KCNQ4: variants seen among roughly 807,000 people sequenced by gnomAD.
KCNQ4 encodes the protein potassium voltage-gated channel subfamily Q member 4.
In KCNQ4, 31 loss-of-function variants were observed where a neutral mutation model predicts 72.6. The observed-to-expected ratio is 0.43, with a 90% CI of 0.32 to 0.58. KCNQ4 has a LOEUF of 0.58. Among genes scored for constraint, KCNQ4 ranks in the 20% least tolerant of loss-of-function variants. KCNQ4 has a pLI of 0.08. For missense variants in KCNQ4, 869 were observed against 962.6 expected, an observed-to-expected ratio of 0.90 and a Z score of 1.29; for synonymous variants, 405 against 403.7, an observed-to-expected ratio of 1.00 and a Z score of -0.04.
At chr1:40,820,323 C>CCTGT (rs1648250368) in intron 7 of KCNQ4, 63 bp downstream of exon 7, 1 of 1,374,742 alleles carries the variant, frequency 7.3e-7, no homozygotes, top group Non-Finnish European at 1.0e-6. Flanking sequence ...GTGTGTCAAC[C>CCTGT]CTGTGTGCTG....
intron 1 of KCNQ4, among the ~76,000 whole-genome samples, chr1:40,798,952 T>TG (rs1647494002): frequency 6.6e-6 from 1 of 152,232 alleles, no homozygotes; most frequent in African/African-American, 2.4e-5. Context: ...CCTCCCTTGT[T>TG]GGGGTCTGGT....
chr1:40,813,467 AGAAT>A (rs1312919557), intron 1 of KCNQ4, among the ~76,000 whole-genome samples: 2 of 152,136 alleles, frequency 1.3e-5, no homozygotes, highest in African/African-American at 4.8e-5. Flanking sequence ...AGGGAAAGGA[AGAAT>A]GAAGGAGCCT....
chr1:40,811,201 T>C (rs958036152), intron 1 of KCNQ4, among the ~76,000 whole-genome samples: 4 of 152,154 alleles, frequency 2.6e-5, no homozygotes, highest in Non-Finnish European at 5.9e-5. Context: ...GGAGCAGTTA[T>C]GGTTATTACT....
chr1:40,808,726 T>C (rs919669433), intron 1 of KCNQ4, among the ~76,000 whole-genome samples: 62 of 152,180 alleles, frequency 4.1e-4, no homozygotes, highest in African/African-American at 1.4e-3. Context: ...CCTCCCATCT[T>C]CCTTGGGGAC....
At chr1:40,801,761 G>A (rs1383324010) in intron 1 of KCNQ4, among the ~76,000 whole-genome samples, 1 of 152,204 alleles carries the variant, frequency 6.6e-6, no homozygotes, top group Non-Finnish European at 1.5e-5. Flanking sequence ...AGGAGAAGGG[G>A]TCCCATGCCC....
chr1:40,829,551 C>T (rs1333513152), intron 9 of KCNQ4, among the ~76,000 whole-genome samples: 1 of 152,160 alleles, frequency 6.6e-6, no homozygotes, highest in Non-Finnish European at 1.5e-5. Context: ...CTCACTTCAG[C>T]ACCTTGGCTC....
intron 7 of KCNQ4, among the ~76,000 whole-genome samples, chr1:40,820,983 C>T (rs1251247957): frequency 6.6e-6 from 1 of 152,202 alleles, no homozygotes; most frequent in Non-Finnish European, 1.5e-5. Context: ...CTGCCTGCTC[C>T]CTAGCCTGTC....
At position 40,819,892 on chromosome 1, in the gene KCNQ4, C is replaced by T. The variant is rs369666938; in HGVS notation, c.852C>T (p.Ile284=). The change falls in exon 6 of 14, where the codon ATC becomes ATT. Residue 284 remains isoleucine, a synonymous_variant. Transcript: ENST00000347132. ...LWWGTITLTT[I]GYGDKTPHTW... ...GTCTCCAGATTACATTGACAACCAT[C>T]GGCTATGGTGACAAGACACCGCACA... 22 of 1,613,650 alleles carry T rather than the reference C, an allele frequency of 1.4e-5. No individual in the cohort carries two copies. Among genetic ancestry groups the T allele is most frequent in the East Asian group, 1.1e-4 (5 of 44,884 alleles).
intron 1 of KCNQ4, among the ~76,000 whole-genome samples, chr1:40,789,580 C>A (rs987670995): frequency 6.6e-6 from 1 of 152,142 alleles, no homozygotes; most frequent in African/African-American, 2.4e-5. Context: ...TTGCCTCCTT[C>A]TTCTGAAGTT....
At chr1:40,802,875 G>A (rs571854135) in intron 1 of KCNQ4, among the ~76,000 whole-genome samples, 2 of 152,302 alleles carry the variant, frequency 1.3e-5, no homozygotes, top group Admixed American at 1.3e-4. Context: ...GTCCTGAGAG[G>A]GACAGTTAAC....
At chr1:40,799,175 C>A (rs1187642965) in intron 1 of KCNQ4, among the ~76,000 whole-genome samples, 1 of 152,242 alleles carries the variant, frequency 6.6e-6, no homozygotes, top group Admixed American at 6.5e-5. Context: ...TGCTTCTGCT[C>A]CCCACCCTCC....
Position 40,788,733 on chromosome 1 carries a change from G to T in KCNQ4, c.314+4326G>T, listed in dbSNP as rs770661975. Among the ~76,000 whole-genome samples, 1 of 152,112 alleles carries T rather than the reference G, an allele frequency of 6.6e-6. No homozygotes were observed. The highest frequency in any genetic ancestry group is 1.9e-4 in the East Asian group (1 of 5,192). On this transcript the variant is annotated intron_variant, in intron 1 of 13. Transcript: ENST00000347132. This position sits in a 1 kb window ranked among gnomAD's most constrained non-coding sequence, Gnocchi z 4.5. ...ATCTGTCCGTCCATCCCAGCACCCC[G>T]CACACAGTCAGCAGGGGGTGGGCAG...
At chr1:40,821,479 C>T (rs1235653420) in intron 7 of KCNQ4, among the ~76,000 whole-genome samples, 13 of 149,876 alleles carry the variant, frequency 8.7e-5, no homozygotes, top group East Asian at 6.2e-4. Flanking sequence ...GCTCTTCCTA[C>T]GTGGAGGGAG....
At chr1:40,797,148 G>T (rs1327485392) in intron 1 of KCNQ4, among the ~76,000 whole-genome samples, 1 of 152,232 alleles carries the variant, frequency 6.6e-6, no homozygotes, top group Non-Finnish European at 1.5e-5. Flanking sequence ...GGGGAGATGG[G>T]CTGGGAAGCT....
At position 40,784,533 on chromosome 1, in the gene KCNQ4, C is replaced by A. The variant is rs956982970; in HGVS notation, c.314+126C>A. The A allele has an allele frequency of 1.8e-5, 16 of 902,328 alleles. No homozygotes were observed. The highest frequency in any genetic ancestry group is 5.8e-5 in the Admixed American group (3 of 51,350). 55.9% of individuals were successfully genotyped at this position (902,328 alleles called of 1,614,324 possible). Reference sequence around the variant, plus strand: ...CAGGGCCGACCCTCATCTCTCTCCCCCCAGGCCTAAGCCCGGTTTCTGATC... The same window carrying A: ...CAGGGCCGACCCTCATCTCTCTCCCACCAGGCCTAAGCCCGGTTTCTGATC... On this transcript the variant is annotated intron_variant, in intron 1 of 13. Coordinates refer to ENST00000347132, the MANE Select transcript of KCNQ4 (RefSeq NM_004700.4). The surrounding 1 kb of genome is among the most constrained non-coding windows in gnomAD (Gnocchi z 4.1).
chr1:40,809,096 G>A (rs1647850708), intron 1 of KCNQ4, among the ~76,000 whole-genome samples: 1 of 152,116 alleles, frequency 6.6e-6, no homozygotes, highest in African/African-American at 2.4e-5. Context: ...TGACCTCTTG[G>A]CAGCATTTGA....
intron 9 of KCNQ4, among the ~76,000 whole-genome samples, chr1:40,825,889 CCCCAGGG>C (rs1425614145): frequency 2.0e-5 from 3 of 152,112 alleles, no homozygotes; most frequent in Admixed American, 1.3e-4. Flanking sequence ...TCCCTGACAC[CCCCAGGG>C]CCCAGGAACA....
chr1:40,800,329 T>C (rs557221350), intron 1 of KCNQ4, among the ~76,000 whole-genome samples: 1 of 152,218 alleles, frequency 6.6e-6, no homozygotes, highest in South Asian at 2.1e-4. Flanking sequence ...CAGCATGGGA[T>C]TCCAAGGCAT....
At chr1:40,819,822 G>C (rs940182394) in intron 5 of KCNQ4, 53 bp from the exon 6 acceptor site, 1 of 1,403,838 alleles carries the variant, frequency 7.1e-7, no homozygotes, top group African/African-American at 1.4e-5. Flanking sequence ...CCCCCAACAA[G>C]CCGTAGGTGG....
Sources: allele counts gnomAD v4.1 joint callset (sites outside exome capture counted in the v4.1 genomes callset), GRCh38; gene constraint gnomAD v4.1.1; non-coding constraint Gnocchi (gnomAD v3.1); transcripts MANE v1.5; gene names NCBI Gene and HGNC (gene_info 2026-07-23, HGNC 2026-07-21).